FAT1: variants seen among roughly 807,000 people sequenced by gnomAD.
FAT1 encodes protocadherin Fat 1.
In FAT1, 171 loss-of-function variants were observed where a neutral mutation model predicts 329.8. The ratio of observed to expected loss-of-function variants is 0.52; its 90% CI spans 0.46 to 0.59. The LOEUF (loss-of-function observed/expected upper bound fraction) is 0.59, where lower values mean the gene tolerates loss of function less well. Ranked by LOEUF, FAT1 falls within the 20% of genes least tolerant of loss-of-function variation. FAT1 has a pLI of 0.00. For missense variants in FAT1, 5,672 were observed against 5,774.4 expected, an observed-to-expected ratio of 0.98 and a Z score of 0.57; for synonymous variants, 2,233 against 2,228.6, an observed-to-expected ratio of 1.00 and a Z score of -0.06.
chr4:186,706,042 C>T (rs780984344), intron 2 of FAT1, among the ~76,000 whole-genome samples: 5 of 152,194 alleles, frequency 3.3e-5, no homozygotes, highest in African/African-American at 4.8e-5. Context: ...CTCTGCCTCT[C>T]GACCAAAACC....
intron 20 of FAT1, 182 bp from the exon 21 acceptor site, chr4:186,601,608 CTGTT>C: frequency 2.2e-6 from 1 of 455,458 alleles, no homozygotes; most frequent in Non-Finnish European, 3.9e-6. Flanking sequence ...GACTGGCTCT[CTGTT>C]TGGAAAGAAT....
At position 186,709,062 on chromosome 4, in the gene FAT1, C is replaced by T. The variant is rs2126701247; in HGVS notation, c.766G>A (p.Val256Met). 1 of 1,613,968 alleles carries T rather than the reference C, an allele frequency of 6.2e-7. No homozygotes were observed. The highest frequency in any genetic ancestry group is 1.1e-5 in the South Asian group (1 of 91,078). The part of the protein sequence containing the change: ...HIEQANECAP[V>M]ITAVTLSPSE... ...GGTGACAATGTCACTGCTGTTATCA[C>T]CGGAGCACATTCATTGGCCTGTTCG... The change falls in exon 2 of 27, where the codon GTG becomes ATG. Residue 256 changes from valine to methionine, a missense_variant. Coordinates refer to ENST00000441802, the MANE Select transcript of FAT1 (RefSeq NM_005245.4).
At chr4:186,703,868 C>G (rs1744452419) in intron 2 of FAT1, among the ~76,000 whole-genome samples, 1 of 152,190 alleles carries the variant, frequency 6.6e-6, no homozygotes, top group Non-Finnish European at 1.5e-5. Context: ...AAGACACACT[C>G]CAAGTGAATA....
Position 186,589,223 on chromosome 4 carries a change from T to C in FAT1, c.13139-3A>G, listed in dbSNP as rs1738122085. 2 of 1,595,064 alleles carry C rather than the reference T, an allele frequency of 1.3e-6. No homozygotes were observed. The highest frequency in any genetic ancestry group is 1.1e-5 in the South Asian group (1 of 88,022). ...ATCTGATGTATCCCAGTGATACCCT[T>C]GGTGGAAAAGAAAACAGATGTCAGT... is the stretch of plus-strand genomic sequence containing the variant. On this transcript the variant is annotated splice_polypyrimidine_tract_variant and splice_region_variant and intron_variant, in intron 26 of 26. Coordinates refer to ENST00000441802, the MANE Select transcript of FAT1 (RefSeq NM_005245.4).
intron 1 of FAT1, among the ~76,000 whole-genome samples, chr4:186,722,286 C>G (rs1374208402): frequency 6.6e-6 from 1 of 152,216 alleles, no homozygotes; most frequent in East Asian, 1.9e-4. Context: ...CCTCTAACAA[C>G]CACACTTCTT....
intron 2 of FAT1, among the ~76,000 whole-genome samples, chr4:186,697,261 CA>C (rs994577311): frequency 2.0e-5 from 3 of 152,146 alleles, no homozygotes; most frequent in African/African-American, 7.2e-5. Flanking sequence ...GTTTGAACTG[CA>C]CAGGCCCATT....
intron 2 of FAT1, among the ~76,000 whole-genome samples, chr4:186,683,922 T>C (rs1743343121): frequency 1.3e-5 from 2 of 152,032 alleles, no homozygotes; most frequent in Non-Finnish European, 1.5e-5. Flanking sequence ...AAACATTGCA[T>C]GTAATAGTTA....
intron 7 of FAT1, among the ~76,000 whole-genome samples, chr4:186,628,972 C>T (rs1467008380): frequency 6.6e-6 from 1 of 152,080 alleles, no homozygotes; most frequent in East Asian, 1.9e-4. Flanking sequence ...ATAATGATGA[C>T]CTTTCTGCAT....
rs545838432 is a variant in FAT1, at chr4:186,609,424, G to T, written c.10069-104C>A. 1,114 of 1,182,560 alleles carry T rather than the reference G, an allele frequency of 9.4e-4. 3 individuals carry two copies. Among genetic ancestry groups the T allele is most frequent in the Non-Finnish European group, 9.7e-4 (862 of 888,242 alleles). 73.3% of individuals were successfully genotyped at this position (1,182,560 alleles called of 1,614,324 possible). On this transcript the variant is annotated intron_variant, in intron 15 of 26. Coordinates refer to ENST00000441802, the MANE Select transcript of FAT1 (RefSeq NM_005245.4). ...AGCTTAGCTGTTTCTTTTTGTTGTTGTTTTTTTTTTGAGATGGAGCCTTGC... is the reference window on the plus strand; with the variant it reads ...AGCTTAGCTGTTTCTTTTTGTTGTTTTTTTTTTTTTGAGATGGAGCCTTGC...
chr4:186,666,078 C>G (rs1039604736), intron 2 of FAT1, among the ~76,000 whole-genome samples: 12 of 150,854 alleles, frequency 8.0e-5, no homozygotes, highest in Admixed American at 1.3e-4. Context: ...GGAGATATAC[C>G]TAATGTAAAT....
chr4:186,688,335 C>A (rs897137242), intron 2 of FAT1, among the ~76,000 whole-genome samples: 5 of 152,066 alleles, frequency 3.3e-5, no homozygotes, highest in Non-Finnish European at 5.9e-5. Context: ...CAGTGCTTCT[C>A]AAGTCAAAGA....
chr4:186,596,534 TCTTA>T lies in FAT1; in HGVS notation c.13000+2_13000+5del, dbSNP rs1192908807. 1 of 1,607,170 alleles carries T rather than the reference TCTTA, an allele frequency of 6.2e-7. No homozygotes were observed. Among genetic ancestry groups the T allele is most frequent in the East Asian group, 2.2e-5 (1 of 44,866 alleles). ...CACTTTAGTGAGATGAAAAAGTGGC[TCTTA>T]CTGTCATAGTCAAAGTCCCAGCTAG... On this transcript the variant is annotated splice_donor_variant and splice_donor_5th_base_variant and intron_variant, in intron 25 of 26. Transcript: ENST00000441802. LOFTEE classifies it high-confidence loss of function. The surrounding 1 kb of genome is among the most constrained non-coding windows in gnomAD (Gnocchi z 4.7).
At chr4:186,626,471 C>T (rs1740308936) in intron 9 of FAT1, among the ~76,000 whole-genome samples, 1 of 92,666 alleles carries the variant, frequency 1.1e-5, no homozygotes, top group African/African-American at 4.3e-5. Context: ...CAACATGGCA[C>T]CTCGCACATA....
rs2126682729 is a variant in FAT1, at chr4:186,706,716, C to A, written c.3112G>T (p.Val1038Leu). 6.2e-7 allele frequency: 1 copy of A among 1,613,968 alleles called. No individual in the cohort carries two copies. Among genetic ancestry groups the A allele is most frequent in the Non-Finnish European group, 8.5e-7 (1 of 1,179,890 alleles). Reference protein sequence around the residue: ...NLHPPVFSSFVEKGTVKEDAP... With the variant: ...NLHPPVFSSFLEKGTVKEDAP... ...TCTTCTTTCACTGTCCCCTTTTCCACAAAGCTGGAAAACACGGGTGGGTGC... is the reference window on the plus strand; with the variant it reads ...TCTTCTTTCACTGTCCCCTTTTCCAAAAAGCTGGAAAACACGGGTGGGTGC... Residue 1038 changes from valine to leucine, a missense_variant, in exon 2 of 27, where the codon GTG becomes TTG. Val to Leu is a conservative substitution (Grantham distance 32). Around this residue, in one of 2 missense-constraint regions of FAT1, gnomAD observed 3,966 missense variants for 3,915.2 expected, o/e 1.01. Transcript: ENST00000441802.
At chr4:186,646,298 C>T (rs1208405831) in intron 3 of FAT1, among the ~76,000 whole-genome samples, 1 of 152,180 alleles carries the variant, frequency 6.6e-6, no homozygotes, top group East Asian at 1.9e-4. Context: ...CTTCCTTTTA[C>T]TCTGATTATT....
chr4:186,703,246 C>A (rs752503167), intron 2 of FAT1, among the ~76,000 whole-genome samples: 2 of 152,140 alleles, frequency 1.3e-5, no homozygotes, highest in Non-Finnish European at 2.9e-5. Flanking sequence ...GTACAAACCA[C>A]GGAGCTAAGA....
intron 2 of FAT1, among the ~76,000 whole-genome samples, chr4:186,682,265 G>A (rs973113424): frequency 2.0e-5 from 3 of 152,102 alleles, no homozygotes; most frequent in Non-Finnish European, 2.9e-5. Context: ...GGTGGCTCAC[G>A]CCTGTAATCC....
intron 9 of FAT1, among the ~76,000 whole-genome samples, 167 bp downstream of exon 9, chr4:186,627,987 A>G (rs1327108560): frequency 1.3e-5 from 2 of 152,138 alleles, no homozygotes; most frequent in Non-Finnish European, 2.9e-5. Context: ...AAGTTAAAAA[A>G]AAAAAAATTC....
chr4:186,697,854 C>T (rs537631335), intron 2 of FAT1, among the ~76,000 whole-genome samples: 1 of 152,302 alleles, frequency 6.6e-6, no homozygotes, highest in East Asian at 1.9e-4. Flanking sequence ...AACAGAGGAT[C>T]TCAAAACCAG....
Sources: gnomAD v4.1 joint callset for allele counts (sites outside exome capture counted in the v4.1 genomes callset) on GRCh38, gnomAD v4.1.1 for gene constraint, gnomAD v4.1.1 regional missense constraint, Gnocchi (gnomAD v3.1) non-coding constraint, MANE v1.5 for transcripts, NCBI Gene and HGNC (gene_info 2026-07-23, HGNC 2026-07-21) for gene names.